The following STX8 variants were observed in gnomAD, a reference collection of about 807,000 sequenced individuals.
STX8 encodes the protein syntaxin-8.
A neutral mutation model predicts 37.5 loss-of-function variants in STX8; 23 were observed. The ratio of observed to expected loss-of-function variants is 0.61; its 90% CI spans 0.44 to 0.87. The LOEUF (loss-of-function observed/expected upper bound fraction) is 0.87. Ranked by LOEUF, STX8 falls within the 40% of genes least tolerant of loss-of-function variation. The probability of loss-of-function intolerance (pLI) is 0.00; values close to 1 mark genes in which losing one functional copy is unlikely to be tolerated. For missense variants in STX8, 313 were observed against 284.7 expected (o/e 1.10, Z -0.71); for synonymous variants, 115 against 99.1 (o/e 1.16, Z -0.95).
chr17:9,292,043 T>C (rs2049407078), intron 7 of STX8, among the ~76,000 whole-genome samples: 1 of 152,232 alleles, frequency 6.6e-6, no homozygotes, highest in Non-Finnish European at 1.5e-5. Context: ...TTCCTGAGTG[T>C]TGGATGGGGT....
intron 7 of STX8, among the ~76,000 whole-genome samples, chr17:9,362,828 CAA>C (rs765809132): frequency 3.9e-5 from 4 of 102,174 alleles, no homozygotes; most frequent in Admixed American, 9.6e-5. Flanking sequence ...GACTCCGTCT[CAA>C]AAAAAAAAAA....
At chr17:9,481,480 G>C (rs113585753) in intron 6 of STX8, among the ~76,000 whole-genome samples, 3,782 of 152,114 alleles carry the variant, frequency 0.025, 136 homozygotes, top group African/African-American at 0.084. Flanking sequence ...TAGCCATTAC[G>C]TTACACAGCT....
At chr17:9,297,962 C>T (rs1908625458) in intron 7 of STX8, among the ~76,000 whole-genome samples, 1 of 152,136 alleles carries the variant, frequency 6.6e-6, no homozygotes, top group South Asian at 2.1e-4. Context: ...ATTCCATGTA[C>T]CTAGCAAGGG....
At chr17:9,465,845 G>A (rs1273891467) in intron 6 of STX8, among the ~76,000 whole-genome samples, 2 of 152,056 alleles carry the variant, frequency 1.3e-5, no homozygotes, top group African/African-American at 4.8e-5. Context: ...AATCACCTCT[G>A]GTCTACATAC....
chr17:9,355,787 C>T (rs1220316074), intron 7 of STX8, among the ~76,000 whole-genome samples: 4 of 152,130 alleles, frequency 2.6e-5, no homozygotes, highest in Non-Finnish European at 5.9e-5. Flanking sequence ...GGATTACAGG[C>T]GTGAGCCACT....
intron 4 of STX8, among the ~76,000 whole-genome samples, chr17:9,530,348 C>G (rs1212398155): frequency 6.6e-6 from 1 of 150,882 alleles, no homozygotes; most frequent in Non-Finnish European, 1.5e-5. Context: ...TATAAACATT[C>G]TTGTACGTGC....
chr17:9,314,498 T>C (rs113747810), intron 7 of STX8, among the ~76,000 whole-genome samples: 15,670 of 151,784 alleles, frequency 0.1, 2,634 homozygotes, highest in African/African-American at 0.35. Flanking sequence ...CCCAGGTTCA[T>C]ACCATTCTTC....
In STX8 at chr17:9,491,904, C is replaced by G. The variant is rs1279395289; in HGVS notation, c.466G>C (p.Asp156His). 1 of 1,613,180 alleles carries G rather than the reference C, an allele frequency of 6.2e-7. No homozygotes were observed. Among genetic ancestry groups the G allele is most frequent in the Non-Finnish European group, 8.5e-7 (1 of 1,179,704 alleles). ...KIIQEQDAGL[D>H]ALSSIISRQK... is the part of the protein sequence containing the mutation. ...CGACTTATGATAGAGGAAAGGGCAT[C>G]AAGGCCTGCGTCCTGTTCTGAAAGA... is the stretch of plus-strand genomic sequence containing the variant. The change falls in exon 6 of 8, where the codon GAT (aspartate) becomes CAT (histidine). Residue 156 changes from aspartate (D) to histidine (H), a missense_variant. Transcript: ENST00000306357.
chr17:9,505,619 T>TA (rs1904794100), intron 4 of STX8, among the ~76,000 whole-genome samples: 1 of 152,100 alleles, frequency 6.6e-6, no homozygotes. Flanking sequence ...GTTGTTGTTT[T>TA]AAAAAAAGAC....
chr17:9,371,053 TCA>T (rs949778446), intron 7 of STX8, among the ~76,000 whole-genome samples: 1 of 152,154 alleles, frequency 6.6e-6, no homozygotes, highest in Non-Finnish European at 1.5e-5. Flanking sequence ...AGTGAAAGGT[TCA>T]CAAAGAGGTA....
intron 7 of STX8, among the ~76,000 whole-genome samples, chr17:9,346,896 G>A (rs1175971761): frequency 2.0e-5 from 3 of 152,088 alleles, no homozygotes; most frequent in Non-Finnish European, 4.4e-5. Flanking sequence ...GGGAGGCCGA[G>A]GTGGGCAGAT....
intron 7 of STX8, among the ~76,000 whole-genome samples, chr17:9,296,366 T>C (rs1426292109): frequency 6.6e-6 from 1 of 151,382 alleles, no homozygotes; most frequent in African/African-American, 2.4e-5. Flanking sequence ...GGCGTGGTGG[T>C]GCGTGCCTGT....
In STX8 at chr17:9,455,032, A is replaced by T. The variant is rs2142408802; in HGVS notation, c.541+36797T>A. Among the ~76,000 whole-genome samples, 2 of 152,226 alleles carry T rather than the reference A, an allele frequency of 1.3e-5. 1 individual carries two copies. Among genetic ancestry groups the T allele is most frequent in the South Asian group, 4.2e-4 (2 of 4,806 alleles). ...GGAGTTTGAGACCAGCCTGGGCAAG[A>T]CAGCAAAACCCCGTCTCTACAAAAA... On this transcript the variant is annotated intron_variant, in intron 6 of 7. Coordinates refer to ENST00000306357, the MANE Select transcript of STX8 (RefSeq NM_004853.3).
At chr17:9,270,038 C>T (rs753695840) in intron 7 of STX8, among the ~76,000 whole-genome samples, 5 of 152,204 alleles carry the variant, frequency 3.3e-5, no homozygotes, top group East Asian at 1.9e-4. Context: ...TTACCTTCCC[C>T]GATGGCCCAT....
rs182845943 is a variant in STX8 at position 9,274,069 on chromosome 17, G to T, written c.644-23424C>A. ...GACCATAACCGGTACTTACTCATGA[G>T]AATTTTCTACCAAAAAGTCAGACAA... is the stretch of plus-strand genomic sequence containing the variant. On this transcript the variant is annotated intron_variant, in intron 7 of 7. Coordinates refer to ENST00000306357, the MANE Select transcript of STX8 (RefSeq NM_004853.3). 3.0e-3 allele frequency among the ~76,000 whole-genome samples: 451 copies of T among 152,270 alleles called. 3 individuals carry two copies. Among genetic ancestry groups the T allele is most frequent in the African/African-American group, 0.01 (429 of 41,526 alleles).
intron 6 of STX8, among the ~76,000 whole-genome samples, chr17:9,412,892 G>C (rs1913031505): frequency 6.6e-6 from 1 of 152,192 alleles, no homozygotes; most frequent in African/African-American, 2.4e-5. Context: ...AGAGGAAGTA[G>C]AGAAAGGACG....
intron 6 of STX8, among the ~76,000 whole-genome samples, chr17:9,428,397 C>T (rs918091326): frequency 7.2e-5 from 11 of 152,264 alleles, no homozygotes; most frequent in East Asian, 1.9e-4. Context: ...CCCGCCACCA[C>T]GCCCGGCTAA....
rs1162546897 is a variant in STX8, at chr17:9,507,029, A to T, written c.324-1867T>A. On this transcript the variant is annotated intron_variant, in intron 4 of 7. Coordinates refer to ENST00000306357, the MANE Select transcript of STX8 (RefSeq NM_004853.3). This position sits in a 1 kb window ranked among gnomAD's most constrained non-coding sequence, Gnocchi z 4.0. Reference sequence around the variant, plus strand: ...AAGGGAAACCACCCTCTGCACTTTCAGCCACAGAAACAGTCCCACCCAGGG... The same window carrying T: ...AAGGGAAACCACCCTCTGCACTTTCTGCCACAGAAACAGTCCCACCCAGGG... Among the ~76,000 whole-genome samples, 1 of 151,930 alleles carries T rather than the reference A, an allele frequency of 6.6e-6. No homozygotes were observed. The highest frequency in any genetic ancestry group is 1.5e-5 in the Non-Finnish European group (1 of 67,994).
intron 7 of STX8, among the ~76,000 whole-genome samples, chr17:9,264,222 G>T (rs7212189): frequency 6.6e-6 from 1 of 152,136 alleles, no homozygotes; most frequent in African/African-American, 2.4e-5. Context: ...GCCAGAGCCA[G>T]GCAGCAGAGC....
Sources: gnomAD v4.1 joint callset for allele counts (sites outside exome capture counted in the v4.1 genomes callset) on GRCh38, gnomAD v4.1.1 for gene constraint, Gnocchi (gnomAD v3.1) non-coding constraint, MANE v1.5 for transcripts, NCBI Gene and HGNC (gene_info 2026-07-23, HGNC 2026-07-21) for gene names.